Variants in ZDHHC9 observed in about 807,000 individuals in gnomAD.
ZDHHC9 encodes palmitoyltransferase ZDHHC9.
In ZDHHC9, 3 loss-of-function variants were observed where a neutral mutation model predicts 26.6. The observed-to-expected ratio is 0.11, with a 90% CI of 0.05 to 0.29. The LOEUF (loss-of-function observed/expected upper bound fraction) is 0.29, where lower values mean the gene tolerates loss of function less well. Among genes scored for constraint, ZDHHC9 ranks in the 10% least tolerant of loss-of-function variants. The pLI is 1.00. For synonymous variants in ZDHHC9, 111 were observed against 109.4 expected (o/e 1.01, Z -0.09); for missense variants, 146 against 296.4 (o/e 0.49, Z 3.73).
intron 3 of ZDHHC9, among the ~76,000 whole-genome samples, chrX:129,829,823 A>G (rs1928102349): frequency 9.0e-6 from 1 of 111,685 alleles, no homozygotes; most frequent in African/African-American, 3.3e-5. Context: ...CTCATAATGC[A>G]TCTGGCAAGC....
intron 4 of ZDHHC9, among the ~76,000 whole-genome samples, chrX:129,825,526 A>G (rs1927996094): frequency 9.0e-6 from 1 of 111,429 alleles, no homozygotes. Flanking sequence ...AAACATAACT[A>G]CTGGCAATAT....
intron 3 of ZDHHC9, among the ~76,000 whole-genome samples, chrX:129,834,215 T>C (rs1393047570): frequency 8.9e-6 from 1 of 111,763 alleles, no homozygotes; most frequent in East Asian, 2.8e-4. Flanking sequence ...TGCAGGCATC[T>C]TGATCTTGTA....
intron 4 of ZDHHC9, among the ~76,000 whole-genome samples, chrX:129,826,919 C>T (rs1436526384): frequency 3.6e-5 from 4 of 112,656 alleles, no homozygotes; most frequent in African/African-American, 1.3e-4. Context: ...ATGGGCCGGG[C>T]GCAGTGGCTT....
intron 5 of ZDHHC9, among the ~76,000 whole-genome samples, chrX:129,816,070 G>A (rs940194289): frequency 8.9e-6 from 1 of 111,941 alleles, no homozygotes; most frequent in South Asian, 3.7e-4. Flanking sequence ...CACAGGTTTT[G>A]CATCTTGTGA....
chrX:129,818,479 G>A (rs777987114), intron 5 of ZDHHC9, among the ~76,000 whole-genome samples: 1 of 112,322 alleles, frequency 8.9e-6, no homozygotes, highest in Non-Finnish European at 1.9e-5. Context: ...CACCAGAAAT[G>A]TATGAAGGTT....
intron 10 of ZDHHC9, among the ~76,000 whole-genome samples, chrX:129,810,439 A>G (rs1205823872): frequency 5.4e-5 from 6 of 111,286 alleles, no homozygotes; most frequent in Admixed American, 9.5e-5. Context: ...CAGCTGGGAG[A>G]GTTTCCACAA....
chrX:129,823,054 T>TGCA (rs1177693814), intron 5 of ZDHHC9: 2 of 113,878 alleles, frequency 1.8e-5, no homozygotes, highest in African/African-American at 6.5e-5. Context: ...CTGACCCTCT[T>TGCA]GCAGCAGCAG....
intron 6 of ZDHHC9, 106 bp from the exon 7 acceptor site, chrX:129,813,831 A>G (rs1014645860): frequency 2.7e-6 from 2 of 745,175 alleles, no homozygotes; most frequent in African/African-American, 4.2e-5. Context: ...CCCGTGTTAC[A>G]CACTGGCAAG....
intron 3 of ZDHHC9, 148 bp downstream of exon 3, chrX:129,841,631 G>C (rs768985446): frequency 3.2e-5 from 22 of 696,071 alleles, no homozygotes; most frequent in Non-Finnish European, 3.7e-5. Context: ...TGACCACGAA[G>C]CAATGAATTC....
rs1927585422 is a variant in ZDHHC9, at chrX:129,809,374, C to A, written c.978+1531G>T. ...GTGGTATATCCATATAATGGAATAT[C>A]ATTTGGCCATATAAAGGAACGAAGT... On this transcript the variant is annotated intron_variant, in intron 10 of 10. Transcript: ENST00000357166. Among the ~76,000 whole-genome samples, 3 of 112,157 alleles carry A rather than the reference C, an allele frequency of 2.7e-5. No homozygotes were observed. In the South Asian group the frequency reaches 1.1e-3, roughly 41 times the overall value.
intron 5 of ZDHHC9, among the ~76,000 whole-genome samples, chrX:129,817,922 G>A (rs757293411): frequency 9.0e-6 from 1 of 111,578 alleles, no homozygotes; most frequent in East Asian, 2.8e-4. Flanking sequence ...ATGATGCTAC[G>A]AACACTGGCG....
chrX:129,841,609 C>T (rs1438299623), intron 3 of ZDHHC9, among the ~76,000 whole-genome samples, 170 bp downstream of exon 3: 2 of 111,853 alleles, frequency 1.8e-5, no homozygotes, highest in Non-Finnish European at 3.8e-5. Context: ...TTAGGAAGTA[C>T]ATACTCTGTG....
At chrX:129,814,559 C>T (rs1377143312) in intron 6 of ZDHHC9, 99 bp downstream of exon 6, 1 of 1,124,313 alleles carries the variant, frequency 8.9e-7, no homozygotes, top group Non-Finnish European at 1.2e-6. Flanking sequence ...GTACCTTTCA[C>T]AATGGTACCA....
intron 10 of ZDHHC9, among the ~76,000 whole-genome samples, chrX:129,807,369 C>T (rs928248627): frequency 1.9e-5 from 2 of 106,426 alleles, no homozygotes; most frequent in East Asian, 2.9e-4. Context: ...TGGCGTGAAC[C>T]CGGGAAGCGG....
chrX:129,819,172 CAAAAAAAA>C (rs10555509), intron 5 of ZDHHC9, among the ~76,000 whole-genome samples: 10 of 36,079 alleles, frequency 2.8e-4, no homozygotes, highest in African/African-American at 3.4e-4. Flanking sequence ...GCCTCCGTCT[CAAAAAAAA>C]AAAAAAAAAA....
At chrX:129,841,001 A>C (rs1399268225) in intron 3 of ZDHHC9, among the ~76,000 whole-genome samples, 1 of 110,624 alleles carries the variant, frequency 9.0e-6, no homozygotes, top group African/African-American at 3.3e-5. Flanking sequence ...CAGTAATCCC[A>C]AAACAATTAG....
rs1444381217 is a variant in ZDHHC9 at position 129,804,951 on chromosome X, G to A, written c.*1419C>T. ...AGGCAGGAAGTTTGCATTAGACACA[G>A]TTTAATCGCCTTCAAATAGATGAAA... On this transcript the variant is annotated 3_prime_UTR_variant, in exon 11 of 11. Transcript: ENST00000357166. 9.5e-6 allele frequency: 1 copy of A among 105,460 alleles called. No homozygotes were observed. The highest frequency in any genetic ancestry group is 1.9e-5 in the Non-Finnish European group (1 of 51,491). 8.7% of individuals were successfully genotyped at this position (105,460 alleles called of 1,213,427 possible). A position where few individuals can be genotyped will look rare whatever the true frequency, so the allele number is the denominator to read the frequency against.
At position 129,804,266 on chromosome X, in the gene ZDHHC9, G is replaced by A. The variant is rs1181330118; in HGVS notation, c.*2104C>T. 1 of 110,708 alleles carries A rather than the reference G, an allele frequency of 9.0e-6. No individual in the cohort carries two copies. Among genetic ancestry groups the A allele is most frequent in the Non-Finnish European group, 1.9e-5 (1 of 52,902 alleles). 9.1% of individuals were successfully genotyped at this position (110,708 alleles called of 1,213,427 possible). On this transcript the variant is annotated 3_prime_UTR_variant, in exon 11 of 11. Transcript: ENST00000357166. ...ACAACTTACAAATTCTCCAGGTTTG[G>A]CTTTATAACTTCAAGAAAAAAAACT...
At chrX:129,815,751 G>C (rs773824586) in intron 5 of ZDHHC9, among the ~76,000 whole-genome samples, 1 of 106,896 alleles carries the variant, frequency 9.4e-6, no homozygotes, top group East Asian at 2.9e-4. Context: ...GAAGACTAAA[G>C]AAAAAAAAAC....
Sources: gnomAD v4.1 joint callset for allele counts (sites outside exome capture counted in the v4.1 genomes callset) on GRCh38, gnomAD v4.1.1 for gene constraint, MANE v1.5 for transcripts, NCBI Gene and HGNC (gene_info 2026-07-23, HGNC 2026-07-21) for gene names.